USP24: variants seen among roughly 807,000 people sequenced by gnomAD.
USP24 encodes ubiquitin specific peptidase 24.
USP24 carries 97 observed loss-of-function variants against 361.6 expected under a neutral mutation model. The observed-to-expected ratio is 0.27, with a 90% CI of 0.23 to 0.32. USP24 has a LOEUF of 0.32. Among genes scored for constraint, USP24 ranks in the 10% least tolerant of loss-of-function variants. The pLI, the probability that USP24 is intolerant of heterozygous loss-of-function variation, is 1.00. For synonymous variants in USP24, 1,098 were observed against 1,124.6 expected, an observed-to-expected ratio of 0.98 and a Z score of 0.47; for missense variants, 2,353 against 3,165.6, an observed-to-expected ratio of 0.74 and a Z score of 6.16.
At chr1:55,191,083 G>A (rs1278177259) in intron 1 of USP24, among the ~76,000 whole-genome samples, 1 of 152,136 alleles carries the variant, frequency 6.6e-6, no homozygotes. Context: ...TGGCACGAAG[G>A]TAGAAGAGAA....
chr1:55,121,489 G>T lies in USP24; in HGVS notation c.4294C>A (p.Pro1432Thr). 1.2e-6 allele frequency: 2 copies of T among 1,613,592 alleles called. No individual in the cohort carries two copies. The highest frequency in any genetic ancestry group is 1.7e-6 in the Non-Finnish European group (2 of 1,179,706). ...TCAATGATGAAATCAGCAACACAGG[G>T]CAAGTTATAGAAAGATGCTAATAAG... ...SQQLASFYNL[P>T]CVADFIIDIL... is the part of the protein sequence containing the mutation. Residue 1432 changes from proline (P) to threonine (T), a missense_variant, in exon 37 of 68, where the codon CCC becomes ACC. Pro to Thr is a conservative substitution (Grantham distance 38, BLOSUM62 -1). Transcript: ENST00000294383.
In USP24 at chr1:55,198,255, T is replaced by C. The variant is rs778027340; in HGVS notation, c.324+16535A>G. Among the ~76,000 whole-genome samples, 179 of 152,314 alleles carry C rather than the reference T, an allele frequency of 1.2e-3. 1 individual carries two copies. Among genetic ancestry groups the C allele is most frequent in the Non-Finnish European group, 2.2e-3 (147 of 68,010 alleles). On this transcript the variant is annotated intron_variant, in intron 1 of 67. Transcript: ENST00000294383. ...CCTTGGCCTTCCAACGTGCTGGGAT[T>C]ACAGGCGTGTGCCACCATCCCCAGC... is the stretch of plus-strand genomic sequence containing the variant.
rs1259521129 is a variant in USP24 at position 55,075,931 on chromosome 1, C to A, written c.7381-408G>T. Among the ~76,000 whole-genome samples the A allele has an allele frequency of 3.3e-5, 5 of 152,040 alleles. No homozygotes were observed. The Middle Eastern group carries it at 0.01, about 310-fold the overall frequency. ...CTACAGTGAGCTACGACTGTGGCTC[C>A]AGCCTGGGCAACAGAGGGAGACTCT... On this transcript the variant is annotated intron_variant, in intron 62 of 67. Transcript: ENST00000294383.
At position 55,103,912 on chromosome 1, in the gene USP24, A is replaced by T; in HGVS notation, c.4989T>A (p.His1663Gln). ...TGGTAAGAGCAGGGTCAGGCTGGTG[A>T]TGCATAGAAAGCAGTTCTTTTATAA... ...QIIIKELLSMHHQPDPALTKE... is the reference protein window; with the variant it reads ...QIIIKELLSMQHQPDPALTKE... The change falls in exon 42 of 68, where the codon CAT (histidine) becomes CAA (glutamine). Residue 1663 changes from histidine (H) to glutamine (Q), a missense_variant. By Grantham distance (24) the His-to-Gln change is conservative. Transcript: ENST00000294383. The T allele has an allele frequency of 6.2e-7, 1 of 1,613,098 alleles. No homozygotes were observed. The highest frequency in any genetic ancestry group is 8.5e-7 in the Non-Finnish European group (1 of 1,179,482).
Position 55,166,606 on chromosome 1 carries a change from A to AT in USP24, c.826-4dup, listed in dbSNP as rs1368690600. ...TCCACAACCCATCCATGAGGCTCCT[A>AT]TGAGAAAAGAAAAACAAAATTGAGA... On this transcript the variant is annotated splice_region_variant and splice_polypyrimidine_tract_variant and intron_variant, in intron 5 of 67. Coordinates refer to ENST00000294383, the MANE Select transcript of USP24 (RefSeq NM_015306.3). The AT allele has an allele frequency of 9.4e-6, 15 of 1,589,486 alleles. No individual in the cohort carries two copies. Among genetic ancestry groups the AT allele is most frequent in the African/African-American group, 1.3e-5 (1 of 74,314 alleles).
intron 55 of USP24, among the ~76,000 whole-genome samples, chr1:55,087,742 CTGAAGT>C (rs1329478225): frequency 1.3e-5 from 2 of 152,142 alleles, no homozygotes; most frequent in Non-Finnish European, 2.9e-5. Context: ...CCTCAAGAAG[CTGAAGT>C]TGTAGTAGAG....
chr1:55,119,591 T>C (rs1343517992), intron 38 of USP24, among the ~76,000 whole-genome samples: 3 of 152,140 alleles, frequency 2.0e-5, no homozygotes. Flanking sequence ...TAAAAAAAAT[T>C]TGGCAATTCA....
chr1:55,159,922 C>A (rs544197226), intron 8 of USP24, among the ~76,000 whole-genome samples: 30 of 152,298 alleles, frequency 2.0e-4, no homozygotes, highest in African/African-American at 7.2e-4. Context: ...TCATTACTAT[C>A]TTATAAAGGT....
intron 47 of USP24, 48 bp downstream of exon 47, chr1:55,097,895 T>C (rs1201643879): frequency 3.2e-6 from 5 of 1,558,924 alleles, no homozygotes; most frequent in East Asian, 4.5e-5. Context: ...AGACGCACTA[T>C]GCGAATAACA....
intron 41 of USP24, among the ~76,000 whole-genome samples, chr1:55,105,447 A>G (rs532457386): frequency 6.6e-6 from 1 of 152,208 alleles, no homozygotes; most frequent in Non-Finnish European, 1.5e-5. Flanking sequence ...GTCCATTTCA[A>G]TAACCACTGA....
At chr1:55,069,546 C>T (rs989723028) in intron 67 of USP24, among the ~76,000 whole-genome samples, 7 of 152,124 alleles carry the variant, frequency 4.6e-5, no homozygotes, top group Non-Finnish European at 1.5e-5. Context: ...ACACACTTGG[C>T]GAATCGTTCT....
chr1:55,093,789 C>T lies in USP24; in HGVS notation c.6354+148G>A, dbSNP rs1488310919. On this transcript the variant is annotated intron_variant, in intron 52 of 67. Transcript: ENST00000294383. The stretch of plus-strand genomic sequence containing the variant: ...TCTAGCTCTATGGCCCCCTCTGTGT[C>T]GTGGCATAAAAGGTTCATGAGACAA... 9.0e-6 allele frequency: 10 copies of T among 1,105,650 alleles called. No individual in the cohort carries two copies. In the African/African-American group the frequency reaches 9.5e-5, roughly 11 times the overall value. The allele number at this position is 1,105,650 out of a possible 1,614,324, so 68.5% of individuals were successfully genotyped here. A position where few individuals can be genotyped will look rare whatever the true frequency, so the allele number is the denominator to read the frequency against.
At chr1:55,088,641 G>A (rs934340426) in intron 55 of USP24, among the ~76,000 whole-genome samples, 14 of 152,086 alleles carry the variant, frequency 9.2e-5, no homozygotes, top group Admixed American at 2.6e-4. Flanking sequence ...GAAGTCGAGC[G>A]GTAAGGAGTG....
At position 55,099,798 on chromosome 1, in the gene USP24, G is replaced by T. The variant is rs781311063; in HGVS notation, c.5343C>A (p.Leu1781=). Residue 1781 remains leucine (L), a synonymous_variant, in exon 45 of 68, where the codon CTC becomes CTA. Coordinates refer to ENST00000294383, the MANE Select transcript of USP24 (RefSeq NM_015306.3). ...QQDAYEFFTS[L]IDQMDEYLKK... Reference sequence around the variant, plus strand: ...TGAGGTATTCATCCATCTGATCAATGAGACTAGTAAAGAATTCATATGCAT... The same window carrying T: ...TGAGGTATTCATCCATCTGATCAATTAGACTAGTAAAGAATTCATATGCAT... 3 of 1,558,936 alleles carry T rather than the reference G, an allele frequency of 1.9e-6. No homozygotes were observed. Among genetic ancestry groups the T allele is most frequent in the Non-Finnish European group, 2.6e-6 (3 of 1,150,218 alleles).
intron 66 of USP24, 110 bp from the exon 67 acceptor site, chr1:55,072,034 A>C: frequency 1.0e-6 from 1 of 969,398 alleles, no homozygotes; most frequent in Admixed American, 2.0e-5. Context: ...CGGAGGCCTG[A>C]GAGTGAGGCC....
chr1:55,077,247 A>T lies in USP24; in HGVS notation c.7368T>A (p.Leu2456=). 6.4e-7 allele frequency: 1 copy of T among 1,553,622 alleles called. No homozygotes were observed. Among genetic ancestry groups the T allele is most frequent in the Non-Finnish European group, 8.7e-7 (1 of 1,143,062 alleles). The part of the protein sequence containing the change: ...PHELKNTFQL[L]HEILVIEDPI... The stretch of plus-strand genomic sequence containing the variant: ...AGTTATGACTTACCAATATTTCATG[A>T]AGTAGTTGGAACGTATTCTTTAACT... The change falls in exon 62 of 68, where the codon CTT becomes CTA. Residue 2456 remains leucine, a synonymous_variant. Transcript: ENST00000294383.
At chr1:55,122,789 T>C (rs569243511) in intron 36 of USP24, among the ~76,000 whole-genome samples, 1 of 152,130 alleles carries the variant, frequency 6.6e-6, no homozygotes, top group Non-Finnish European at 1.5e-5. Flanking sequence ...GAGAAAACTC[T>C]AGGATGATAT....
intron 38 of USP24, among the ~76,000 whole-genome samples, chr1:55,111,343 G>T (rs17111639): frequency 6.6e-6 from 1 of 151,904 alleles, no homozygotes; most frequent in African/African-American, 2.4e-5. Flanking sequence ...TAAAACTCTC[G>T]TCTAATGCTT....
intron 32 of USP24, among the ~76,000 whole-genome samples, chr1:55,128,658 C>T (rs557699902): frequency 1.3e-5 from 2 of 149,346 alleles, no homozygotes; most frequent in South Asian, 4.3e-4. Flanking sequence ...GTAACCACTA[C>T]TTTCTCACCC....
Sources: gnomAD v4.1 joint callset for allele counts (sites outside exome capture counted in the v4.1 genomes callset) on GRCh38, gnomAD v4.1.1 for gene constraint, MANE v1.5 for transcripts, NCBI Gene and HGNC (gene_info 2026-07-23, HGNC 2026-07-21) for gene names.